Variants in MAP6 observed in about 807,000 individuals in gnomAD.
MAP6 encodes microtubule-associated protein 6.
MAP6 carries 26 observed loss-of-function variants against 42.4 expected under a neutral mutation model. The observed-to-expected ratio is 0.61, with a 90% confidence interval of 0.45 to 0.85. MAP6 has a LOEUF of 0.85. Among genes scored for constraint, MAP6 ranks in the 40% least tolerant of loss-of-function variants. The probability of loss-of-function intolerance (pLI) is 0.00; values close to 1 mark genes in which losing one functional copy is unlikely to be tolerated. For synonymous variants in MAP6, 418 were observed against 443.8 expected (o/e 0.94, Z 0.73); for missense variants, 966 against 1,099.0 (o/e 0.88, Z 1.71).
intron 3 of MAP6, among the ~76,000 whole-genome samples, chr11:75,597,575 A>C (rs1942603196): frequency 6.6e-6 from 1 of 152,226 alleles, no homozygotes; most frequent in Non-Finnish European, 1.5e-5. Context: ...GGACTAAGGC[A>C]GCGCTCAATT....
chr11:75,634,395 G>A lies in MAP6; in HGVS notation c.906-26073C>T, dbSNP rs187690193. 2.0e-5 allele frequency among the ~76,000 whole-genome samples: 3 copies of A among 152,274 alleles called. No individual in the cohort carries two copies. In the East Asian group the frequency reaches 5.8e-4, roughly 29 times the overall value. ...GGGTTCAAGTGATTCTCCTGCCTCA[G>A]CCTTCTGAGTAGCTGGGACTGCAGG... On this transcript the variant is annotated intron_variant, in intron 1 of 3. Transcript: ENST00000304771.
chr11:75,590,090 C>A (rs1284227515), intron 3 of MAP6, among the ~76,000 whole-genome samples: 1 of 152,024 alleles, frequency 6.6e-6, no homozygotes, highest in Non-Finnish European at 1.5e-5. Flanking sequence ...ATCAGTAGGA[C>A]CTTAGTGTTT....
intron 1 of MAP6, among the ~76,000 whole-genome samples, chr11:75,636,365 C>G (rs1373628343): frequency 1.3e-5 from 2 of 152,186 alleles, no homozygotes; most frequent in Non-Finnish European, 2.9e-5. Flanking sequence ...ATCTCTTCCT[C>G]TTAACCAAAG....
chr11:75,633,372 A>G (rs1158636748), intron 1 of MAP6, among the ~76,000 whole-genome samples: 2 of 152,212 alleles, frequency 1.3e-5, no homozygotes, highest in Non-Finnish European at 2.9e-5. Flanking sequence ...TCAAGTAAGT[A>G]TTTCATGAGG....
chr11:75,666,716 A>G (rs924069535), intron 1 of MAP6, among the ~76,000 whole-genome samples: 2 of 152,222 alleles, frequency 1.3e-5, no homozygotes, highest in Non-Finnish European at 2.9e-5. Flanking sequence ...AAATATGTTG[A>G]ATATTTAATA....
At chr11:75,626,176 C>T (rs1943190134) in intron 1 of MAP6, among the ~76,000 whole-genome samples, 1 of 152,126 alleles carries the variant, frequency 6.6e-6, no homozygotes, top group Non-Finnish European at 1.5e-5. Context: ...ACTGGATGCC[C>T]TAGAGGACAG....
At chr11:75,602,073 A>G (rs1019403066) in intron 3 of MAP6, among the ~76,000 whole-genome samples, 4 of 151,986 alleles carry the variant, frequency 2.6e-5, no homozygotes, top group African/African-American at 9.7e-5. Flanking sequence ...TGGAAAAATG[A>G]AGAGTATAAA....
At chr11:75,648,663 C>T (rs981320587) in intron 1 of MAP6, among the ~76,000 whole-genome samples, 3 of 151,880 alleles carry the variant, frequency 2.0e-5, no homozygotes, top group South Asian at 4.1e-4. Context: ...TTCTGCATGA[C>T]GAAAGATACT....
chr11:75,642,100 AC>A (rs1472644650), intron 1 of MAP6, among the ~76,000 whole-genome samples: 1 of 152,258 alleles, frequency 6.6e-6, no homozygotes, highest in Non-Finnish European at 1.5e-5. Flanking sequence ...TAGCACATTT[AC>A]TATTAGCTAC....
In MAP6 at chr11:75,668,698, A is replaced by G; in HGVS notation, c.-329T>C. On this transcript the variant is annotated 5_prime_UTR_variant, in exon 1 of 4. Coordinates refer to ENST00000304771, the MANE Select transcript of MAP6 (RefSeq NM_033063.2). ...CCTCCCTGCGGCTGCGGCGGCGCACAGACCTCGGTCGAGCGAGGCGACGTG... is the reference window on the plus strand; with the variant it reads ...CCTCCCTGCGGCTGCGGCGGCGCACGGACCTCGGTCGAGCGAGGCGACGTG... The G allele has an allele frequency of 4.7e-6, 1 of 214,292 alleles. No individual in the cohort carries two copies. The allele number at this position is 214,292 out of a possible 1,614,324, so 13.3% of individuals were successfully genotyped here.
intron 1 of MAP6, among the ~76,000 whole-genome samples, chr11:75,654,059 T>C (rs989937293): frequency 1.3e-5 from 2 of 152,218 alleles, no homozygotes; most frequent in Non-Finnish European, 2.9e-5. Context: ...GTAAATAAGA[T>C]AGGTAAGATA....
At chr11:75,621,889 G>C (rs952201662) in intron 1 of MAP6, among the ~76,000 whole-genome samples, 1 of 152,096 alleles carries the variant, frequency 6.6e-6, no homozygotes, top group Non-Finnish European at 1.5e-5. Context: ...CAGGTGTTGT[G>C]GTGGGTGCCT....
chr11:75,656,124 AG>A (rs1214366735), intron 1 of MAP6, among the ~76,000 whole-genome samples: 1 of 152,208 alleles, frequency 6.6e-6, no homozygotes. Flanking sequence ...ACAATCCTTA[AG>A]GGCTAGGAGG....
rs908683493 is a variant in MAP6 at position 75,603,522 on chromosome 11, G to A, written c.1316+2286C>T. The A allele has an allele frequency of 1.2e-4, 119 of 983,396 alleles. 1 individual carries two copies. In the African/African-American group the frequency reaches 2.0e-3, roughly 16 times the overall value. The allele number at this position is 983,396 out of a possible 1,614,324, so 60.9% of individuals were successfully genotyped here. Reference sequence around the variant, plus strand: ...TGTTAAGCAGAAGGGGATACTGACAGGTTGAAAAAGACATGCTACAGGTCC... The same window carrying A: ...TGTTAAGCAGAAGGGGATACTGACAAGTTGAAAAAGACATGCTACAGGTCC... On this transcript the variant is annotated intron_variant, in intron 3 of 3. Coordinates refer to ENST00000304771, the MANE Select transcript of MAP6 (RefSeq NM_033063.2).
At chr11:75,628,976 T>A (rs866861863) in intron 1 of MAP6, among the ~76,000 whole-genome samples, 11 of 152,220 alleles carry the variant, frequency 7.2e-5, no homozygotes, top group Middle Eastern at 3.2e-3. Flanking sequence ...CTATTTTACA[T>A]GTTGGAACAC....
At position 75,605,896 on chromosome 11, in the gene MAP6, T is replaced by C. The variant is rs373060949; in HGVS notation, c.1228A>G (p.Lys410Glu). 6.2e-7 allele frequency: 1 copy of C among 1,614,188 alleles called. No homozygotes were observed. Among genetic ancestry groups the C allele is most frequent in the Non-Finnish European group, 8.5e-7 (1 of 1,180,034 alleles). ...GTACTCGGGCCCTCCGCGCTCTTTTTCTTGGCAGCCTGGCCTGACACCGCC... is the reference window on the plus strand; with the variant it reads ...GTACTCGGGCCCTCCGCGCTCTTTTCCTTGGCAGCCTGGCCTGACACCGCC... The part of the protein sequence containing the change: ...KQAVSGQAAK[K>E]KSAEGPSTTK... Residue 410 changes from lysine to glutamate, a missense_variant, in exon 3 of 4, where the codon AAA becomes GAA. By Grantham distance (56) the Lys-to-Glu change is moderately conservative. Around this residue, in one of 2 missense-constraint regions of MAP6, gnomAD observed 943 missense variants for 1,049.9 expected, o/e 0.90. Transcript: ENST00000304771.
intron 1 of MAP6, among the ~76,000 whole-genome samples, chr11:75,628,482 C>A (rs1234249775): frequency 1.3e-5 from 2 of 152,212 alleles, no homozygotes; most frequent in African/African-American, 4.8e-5. Flanking sequence ...CCCGCCCTTG[C>A]TCCCCGAATA....
Position 75,659,631 on chromosome 11 carries a change from C to T in MAP6, c.905+7834G>A, listed in dbSNP as rs1276880640. Among the ~76,000 whole-genome samples the T allele has an allele frequency of 1.3e-5, 2 of 152,160 alleles. 1 individual carries two copies. The highest frequency in any genetic ancestry group is 2.9e-5 in the Non-Finnish European group (2 of 68,034). On this transcript the variant is annotated intron_variant, in intron 1 of 3. Coordinates refer to ENST00000304771, the MANE Select transcript of MAP6 (RefSeq NM_033063.2). ...AGTATTATTATTTCTCATGGTGAAA[C>T]TAGAAGTTTTTAGTTTGCTGGTTCA...
chr11:75,587,882 T>C lies in MAP6; in HGVS notation c.1619A>G (p.Gln540Arg), dbSNP rs375715712. 10 of 1,614,192 alleles carry C rather than the reference T, an allele frequency of 6.2e-6. No homozygotes were observed. The highest frequency in any genetic ancestry group is 3.3e-5 in the South Asian group (3 of 91,078). ...AACTTTTGCTGGAACCATAGGACTTTGATTCTTTGGAGGAACTGGGACCGA... is the reference window on the plus strand; with the variant it reads ...AACTTTTGCTGGAACCATAGGACTTCGATTCTTTGGAGGAACTGGGACCGA... ...GPSVPVPPKN[Q>R]SPMVPAKVKD... Residue 540 changes from glutamine to arginine, a missense_variant, in exon 4 of 4, where the codon CAA (glutamine) becomes CGA (arginine). Physicochemically the swap from Gln to Arg is conservative, Grantham distance 43 (BLOSUM62 1). Around this residue, in one of 2 missense-constraint regions of MAP6, gnomAD observed 943 missense variants for 1,049.9 expected, o/e 0.90. Transcript: ENST00000304771.
Sources: gnomAD v4.1 joint callset for allele counts (sites outside exome capture counted in the v4.1 genomes callset) on GRCh38, gnomAD v4.1.1 for gene constraint, gnomAD v4.1.1 regional missense constraint, MANE v1.5 for transcripts, NCBI Gene and HGNC (gene_info 2026-07-23, HGNC 2026-07-21) for gene names.